GABRA4: variants seen among roughly 807,000 people sequenced by gnomAD.
GABRA4 encodes the protein gamma-aminobutyric acid type A receptor subunit alpha4, also known as gamma-aminobutyric acid receptor subunit alpha-4.
Under a neutral mutation model 49.7 loss-of-function variants are expected in GABRA4, and 12 were observed. That is an observed-to-expected ratio of 0.24 (90% CI 0.15 to 0.39). The LOEUF is 0.39. Among genes scored for constraint, GABRA4 ranks in the 10% least tolerant of loss-of-function variants. The probability of loss-of-function intolerance (pLI) is 1.00; values close to 1 mark genes in which losing one functional copy is unlikely to be tolerated. For synonymous variants in GABRA4, 288 were observed against 240.2 expected (o/e 1.20, Z -1.84); for missense variants, 506 against 686.0 (o/e 0.74, Z 2.93).
chr4:46,924,321 T>C lies in GABRA4; in HGVS notation c.*3904A>G, dbSNP rs965022496. ...ACTTAAATATTAGGTATCTTGATTATTGAAGTTTTGATGTCCCCATATATA... is the reference window on the plus strand; with the variant it reads ...ACTTAAATATTAGGTATCTTGATTACTGAAGTTTTGATGTCCCCATATATA... On this transcript the variant is annotated 3_prime_UTR_variant, in exon 9 of 9. Transcript: ENST00000264318. 1 of 152,146 alleles carries C rather than the reference T, an allele frequency of 6.6e-6. No homozygotes were observed. The highest frequency in any genetic ancestry group is 2.4e-5 in the African/African-American group (1 of 41,456). 9.4% of individuals were successfully genotyped at this position (152,146 alleles called of 1,614,324 possible).
chr4:46,930,943 G>A (rs970495671), intron 8 of GABRA4, among the ~76,000 whole-genome samples: 3 of 151,552 alleles, frequency 2.0e-5, no homozygotes, highest in Non-Finnish European at 4.4e-5. Flanking sequence ...TGTGGTTTAG[G>A]AAAGGAAAAA....
intron 2 of GABRA4, among the ~76,000 whole-genome samples, chr4:46,985,138 TATA>T: frequency 6.6e-6 from 1 of 152,192 alleles, no homozygotes; most frequent in South Asian, 2.1e-4. Flanking sequence ...TTTAGCAATA[TATA>T]ATTAAGTTAA....
chr4:46,925,174 C>T lies in GABRA4; in HGVS notation c.*3051G>A, dbSNP rs556474534. On this transcript the variant is annotated 3_prime_UTR_variant, in exon 9 of 9. Coordinates refer to ENST00000264318, the MANE Select transcript of GABRA4 (RefSeq NM_000809.4). ...AATGACCTTTCAAAGTTCTTTCCAACCCTGTGATTTTATCTTTGTCATGTA... is the reference window on the plus strand; with the variant it reads ...AATGACCTTTCAAAGTTCTTTCCAATCCTGTGATTTTATCTTTGTCATGTA... The T allele has an allele frequency of 4.6e-5, 7 of 151,972 alleles. No individual in the cohort carries two copies. The highest frequency in any genetic ancestry group is 1.0e-4 in the Non-Finnish European group (7 of 67,864). The allele number at this position is 151,972 out of a possible 1,614,324, so 9.4% of individuals were successfully genotyped here. A position where few individuals can be genotyped will look rare whatever the true frequency, so the allele number is the denominator to read the frequency against.
chr4:46,980,304 G>T (rs1017500959), intron 2 of GABRA4, among the ~76,000 whole-genome samples: 2 of 148,464 alleles, frequency 1.3e-5, no homozygotes, highest in Non-Finnish European at 3.0e-5. Flanking sequence ...TAACTGGGAA[G>T]AATGACATCT....
rs139243938 is a variant in GABRA4, at chr4:46,940,830, G to T, written c.1135-12075C>A. 3.9e-4 allele frequency among the ~76,000 whole-genome samples: 59 copies of T among 152,070 alleles called. 3 individuals are homozygous for T. In the East Asian group the frequency reaches 0.011, roughly 29 times the overall value. ...GTAAGCTCTAAGCTATCAGCTTATG[G>T]TTTCCAATGGGCATTATCAAAAAAC... On this transcript the variant is annotated intron_variant, in intron 8 of 8. Transcript: ENST00000264318.
chr4:46,931,416 G>A (rs1721432668), intron 8 of GABRA4, among the ~76,000 whole-genome samples: 1 of 152,068 alleles, frequency 6.6e-6, no homozygotes, highest in Non-Finnish European at 1.5e-5. Flanking sequence ...CCAAAACAAA[G>A]TATTAAAACA....
At chr4:46,985,009 A>G (rs189422096) in intron 2 of GABRA4, among the ~76,000 whole-genome samples, 115 of 152,166 alleles carry the variant, frequency 7.6e-4, no homozygotes, top group South Asian at 2.5e-3. Flanking sequence ...CAATCTTGGA[A>G]ACAAGCAAAA....
rs1390832495 is a variant in GABRA4, at chr4:46,926,772, A to G, written c.*1453T>C. 6.6e-6 allele frequency: 1 copy of G among 152,002 alleles called. No homozygotes were observed. The highest frequency in any genetic ancestry group is 2.4e-5 in the African/African-American group (1 of 41,448). The allele number at this position is 152,002 out of a possible 1,614,324, so 9.4% of individuals were successfully genotyped here. A position where few individuals can be genotyped will look rare whatever the true frequency, so the allele number is the denominator to read the frequency against. ...ATAGACAGTTGCAAAATTCTCAAGT[A>G]AGTTGTTAAGCCTACCTAATGAGAA... On this transcript the variant is annotated 3_prime_UTR_variant, in exon 9 of 9. Coordinates refer to ENST00000264318, the MANE Select transcript of GABRA4 (RefSeq NM_000809.4).
rs116597190 is a variant in GABRA4, at chr4:46,946,659, C to T, written c.1135-17904G>A. Among the ~76,000 whole-genome samples, 429 of 152,222 alleles carry T rather than the reference C, an allele frequency of 2.8e-3. 2 individuals carry two copies. Among genetic ancestry groups the T allele is most frequent in the Non-Finnish European group, 4.4e-3 (297 of 68,004 alleles). On this transcript the variant is annotated intron_variant, in intron 8 of 8. Coordinates refer to ENST00000264318, the MANE Select transcript of GABRA4 (RefSeq NM_000809.4). ...AGGATGATTATAAGACATAAGGAGT[C>T]TATACAGCCTTGATACCTAGTACAA...
At chr4:46,967,481 T>C (rs1722807596) in intron 7 of GABRA4, among the ~76,000 whole-genome samples, 1 of 151,636 alleles carries the variant, frequency 6.6e-6, no homozygotes, top group Admixed American at 6.6e-5. Context: ...ATGCAGTTAT[T>C]GACCCATAAA....
At position 46,926,010 on chromosome 4, in the gene GABRA4, T is replaced by C. The variant is rs566342209; in HGVS notation, c.*2215A>G. The C allele has an allele frequency of 6.6e-6, 1 of 151,442 alleles. No homozygotes were observed. The highest frequency in any genetic ancestry group is 2.4e-5 in the African/African-American group (1 of 41,340). 9.4% of individuals were successfully genotyped at this position (151,442 alleles called of 1,614,324 possible). ...CTTTTTTTTAAAGGAAGCCAATGAA[T>C]AACCAAATAATTATTTCTTAAGATA... is the stretch of plus-strand genomic sequence containing the variant. On this transcript the variant is annotated 3_prime_UTR_variant, in exon 9 of 9. Transcript: ENST00000264318.
rs1444074430 is a variant in GABRA4, at chr4:46,922,234, G to A, written c.*5991C>T. On this transcript the variant is annotated 3_prime_UTR_variant, in exon 9 of 9. Transcript: ENST00000264318. Reference sequence around the variant, plus strand: ...AGTAAAACAGAGAGTTTTACACTGTGAACTACATAGGCCGCCCAAATGTCA... The same window carrying A: ...AGTAAAACAGAGAGTTTTACACTGTAAACTACATAGGCCGCCCAAATGTCA... The A allele has an allele frequency of 6.6e-6, 1 of 152,084 alleles. No individual in the cohort carries two copies. Among genetic ancestry groups the A allele is most frequent in the African/African-American group, 2.4e-5 (1 of 41,412 alleles). 9.4% of individuals were successfully genotyped at this position (152,084 alleles called of 1,614,324 possible).
At position 46,971,086 on chromosome 4, in the gene GABRA4, A is replaced by C; in HGVS notation, c.871T>G (p.Phe291Val). Residue 291 changes from phenylalanine to valine, a missense_variant, in exon 7 of 9, where the codon TTT becomes GTT. Around this residue, in one of 5 missense-constraint regions of GABRA4, gnomAD observed 33 missense variants for 102.5 expected, o/e 0.32. Coordinates refer to ENST00000264318, the MANE Select transcript of GABRA4 (RefSeq NM_000809.4). ...CCAAGAAATGAATTGCAATTACCAAATACAGTCCTAGCGGGAACTGATTCT... is the reference window on the plus strand; with the variant it reads ...CCAAGAAATGAATTGCAATTACCAACTACAGTCCTAGCGGGAACTGATTCT... ...NKESVPARTVFGITTVLTMTT... is the reference protein window; with the variant it reads ...NKESVPARTVVGITTVLTMTT... The C allele has an allele frequency of 6.2e-7, 1 of 1,606,326 alleles. No homozygotes were observed.
intron 5 of GABRA4, 111 bp from the exon 6 acceptor site, chr4:46,974,486 A>T: frequency 9.7e-7 from 1 of 1,027,380 alleles, no homozygotes; most frequent in Non-Finnish European, 1.4e-6. Context: ...AATGAAAACA[A>T]TGTTCACTAT....
At chr4:46,968,345 T>C (rs1560476777) in intron 7 of GABRA4, among the ~76,000 whole-genome samples, 1 of 150,940 alleles carries the variant, frequency 6.6e-6, no homozygotes, top group Non-Finnish European at 1.5e-5. Context: ...TCTTGGCACA[T>C]GGGCACAAAA....
chr4:46,992,181 G>A (rs1033068308), intron 2 of GABRA4, among the ~76,000 whole-genome samples: 3 of 152,180 alleles, frequency 2.0e-5, no homozygotes, highest in Admixed American at 6.5e-5. Flanking sequence ...GTTAATGGAT[G>A]TACCTCTATT....
At chr4:46,982,070 G>A (rs569212432) in intron 2 of GABRA4, among the ~76,000 whole-genome samples, 1 of 152,078 alleles carries the variant, frequency 6.6e-6, no homozygotes, top group Non-Finnish European at 1.5e-5. Context: ...CCCTGAACTC[G>A]TATTCTAAAA....
In GABRA4 at chr4:46,921,332, T is replaced by C. The variant is rs1721023302; in HGVS notation, c.*6893A>G. The C allele has an allele frequency of 6.6e-6, 1 of 151,652 alleles. No individual in the cohort carries two copies. 9.4% of individuals were successfully genotyped at this position (151,652 alleles called of 1,614,324 possible). On this transcript the variant is annotated 3_prime_UTR_variant, in exon 9 of 9. Transcript: ENST00000264318. ...ATATAAACAGTGTAATAAATTAACA[T>C]TGGGATAGAAATACACGACTGAAAA...
chr4:46,924,539 T>G lies in GABRA4; in HGVS notation c.*3686A>C, dbSNP rs1187074088. The stretch of plus-strand genomic sequence containing the variant: ...GTACCCAAACTGGGCAGGAGCCCAT[T>G]TAGTGAATAAAAGCCCAGGAAATCC... On this transcript the variant is annotated 3_prime_UTR_variant, in exon 9 of 9. Coordinates refer to ENST00000264318, the MANE Select transcript of GABRA4 (RefSeq NM_000809.4). 6.6e-6 allele frequency: 1 copy of G among 152,030 alleles called. No homozygotes were observed. Among genetic ancestry groups the G allele is most frequent in the Non-Finnish European group, 1.5e-5 (1 of 67,958 alleles). 9.4% of individuals were successfully genotyped at this position (152,030 alleles called of 1,614,324 possible).
Sources: allele counts gnomAD v4.1 joint callset (sites outside exome capture counted in the v4.1 genomes callset), GRCh38; gene constraint gnomAD v4.1.1; regional missense constraint gnomAD v4.1.1; transcripts MANE v1.5; gene names NCBI Gene and HGNC (gene_info 2026-07-23, HGNC 2026-07-21).